Variants in TINAG observed in about 807,000 individuals in gnomAD.
The protein encoded by TINAG is tubulointerstitial nephritis antigen.
A neutral mutation model predicts 72.7 loss-of-function variants in TINAG; 83 were observed. That is an observed-to-expected ratio of 1.14 (90% CI 0.96 to 1.37). The LOEUF (loss-of-function observed/expected upper bound fraction) is 1.37. Ranked by LOEUF, TINAG falls within the 40% of genes most tolerant of loss-of-function variation. TINAG has a pLI of 0.00. For missense variants in TINAG, 685 were observed against 576.6 expected (o/e 1.19, Z -1.93); for synonymous variants, 234 against 189.9 (o/e 1.23, Z -1.91).
chr6:54,314,452 G>T (rs932112593), intron 1 of TINAG, among the ~76,000 whole-genome samples: 1 of 152,040 alleles, frequency 6.6e-6, no homozygotes, highest in Non-Finnish European at 1.5e-5. Context: ...TCTTTGGCCA[G>T]AATATAGTCA....
intron 1 of TINAG, among the ~76,000 whole-genome samples, chr6:54,310,980 C>T (rs545911005): frequency 3.4e-4 from 50 of 148,430 alleles, no homozygotes; most frequent in Middle Eastern, 7.0e-3. Context: ...TCTCCCTCTC[C>T]TTCTCCCTCT....
At chr6:54,310,195 C>T (rs1258691344) in intron 1 of TINAG, among the ~76,000 whole-genome samples, 1 of 151,514 alleles carries the variant, frequency 6.6e-6, no homozygotes. Context: ...CAATCCTCCT[C>T]CCTCAGCCTC....
At chr6:54,340,605 T>TA (rs1784973850) in intron 4 of TINAG, among the ~76,000 whole-genome samples, 1 of 152,110 alleles carries the variant, frequency 6.6e-6, no homozygotes, top group African/African-American at 2.4e-5. Flanking sequence ...ATGAGGCAGA[T>TA]AAAAAATATG....
At chr6:54,370,718 C>T (rs929799427) in intron 9 of TINAG, among the ~76,000 whole-genome samples, 1 of 151,944 alleles carries the variant, frequency 6.6e-6, no homozygotes, top group East Asian at 1.9e-4. Context: ...AACTCACTGT[C>T]GGAAGAGTAG....
chr6:54,325,433 A>T (rs545287666), intron 3 of TINAG, among the ~76,000 whole-genome samples: 3 of 152,210 alleles, frequency 2.0e-5, no homozygotes. Context: ...TAGGTTAGTC[A>T]TACCTTTCAC....
chr6:54,360,060 A>C lies in TINAG; in HGVS notation c.1250+5424A>C, dbSNP rs540055353. Among the ~76,000 whole-genome samples the C allele has an allele frequency of 3.4e-5, 5 of 149,186 alleles. No homozygotes were observed. In the South Asian group the frequency reaches 1.1e-3, roughly 32 times the overall value. ...GTGCCCAGAACTGGGAAATACAAGG[A>C]GGATTGATTTATAGTCCTCCTCTTA... On this transcript the variant is annotated intron_variant, in intron 9 of 10. Coordinates refer to ENST00000259782, the MANE Select transcript of TINAG (RefSeq NM_014464.4).
At chr6:54,367,672 T>C (rs1385348251) in intron 9 of TINAG, among the ~76,000 whole-genome samples, 1 of 151,800 alleles carries the variant, frequency 6.6e-6, no homozygotes, top group Non-Finnish European at 1.5e-5. Flanking sequence ...TGTTGTTCTT[T>C]GTTTATTTTT....
intron 1 of TINAG, among the ~76,000 whole-genome samples, chr6:54,311,683 T>A (rs1456201870): frequency 6.6e-6 from 1 of 152,218 alleles, no homozygotes; most frequent in Non-Finnish European, 1.5e-5. Flanking sequence ...GTGACTTACT[T>A]TTTCCTATCC....
At chr6:54,329,204 A>T (rs931284975) in intron 4 of TINAG, among the ~76,000 whole-genome samples, 3 of 152,136 alleles carry the variant, frequency 2.0e-5, no homozygotes, top group African/African-American at 7.2e-5. Context: ...GAAGGAAAAA[A>T]TGTTAAGAAG....
At chr6:54,368,371 TATTA>T (rs1176803758) in intron 9 of TINAG, among the ~76,000 whole-genome samples, 1 of 148,156 alleles carries the variant, frequency 6.7e-6, no homozygotes, top group Non-Finnish European at 1.5e-5. Context: ...TAAATCATTA[TATTA>T]ATTATTATTA....
At chr6:54,380,773 A>C (rs1169216442) in intron 10 of TINAG, among the ~76,000 whole-genome samples, 1 of 151,832 alleles carries the variant, frequency 6.6e-6, no homozygotes, top group Non-Finnish European at 1.5e-5. Context: ...AGTATTTCAA[A>C]TTGTAAAAGA....
intron 1 of TINAG, among the ~76,000 whole-genome samples, chr6:54,312,138 C>T (rs1784273562): frequency 6.6e-6 from 1 of 152,046 alleles, no homozygotes; most frequent in Non-Finnish European, 1.5e-5. Context: ...CTCACTGCAG[C>T]CTCGACCTTC....
At chr6:54,344,279 A>G (rs769577467) in intron 5 of TINAG, among the ~76,000 whole-genome samples, 2 of 152,184 alleles carry the variant, frequency 1.3e-5, no homozygotes, top group African/African-American at 2.4e-5. Flanking sequence ...GCTCCATAGT[A>G]TCAATCAGAC....
At chr6:54,313,853 A>G (rs3798278) in intron 1 of TINAG, among the ~76,000 whole-genome samples, 105,592 of 152,042 alleles carry the variant, frequency 0.69, 37,140 homozygotes, top group Middle Eastern at 0.81. Flanking sequence ...TCAAAGTATT[A>G]TTGTTTATAG....
chr6:54,352,474 G>T (rs889074021), intron 8 of TINAG, among the ~76,000 whole-genome samples: 1 of 151,768 alleles, frequency 6.6e-6, no homozygotes, highest in Non-Finnish European at 1.5e-5. Context: ...CAAATGAAGA[G>T]AAATTTTCTG....
chr6:54,312,974 G>A (rs1320588287), intron 1 of TINAG, among the ~76,000 whole-genome samples: 4 of 152,078 alleles, frequency 2.6e-5, no homozygotes, highest in Admixed American at 1.3e-4. Flanking sequence ...CCTCATTTTT[G>A]CTCCATATAC....
chr6:54,328,403 C>G (rs1279509994), intron 4 of TINAG, among the ~76,000 whole-genome samples: 1 of 152,080 alleles, frequency 6.6e-6, no homozygotes, highest in African/African-American at 2.4e-5. Context: ...GGAAAACTAA[C>G]AAACAGAAAG....
intron 9 of TINAG, among the ~76,000 whole-genome samples, chr6:54,378,133 T>C (rs557284780): frequency 6.8e-4 from 104 of 152,322 alleles, no homozygotes; most frequent in Non-Finnish European, 1.2e-3. Context: ...GGCTGTAACA[T>C]AGGTGAACTA....
At chr6:54,310,289 T>C (rs1784209761) in intron 1 of TINAG, among the ~76,000 whole-genome samples, 1 of 152,062 alleles carries the variant, frequency 6.6e-6, no homozygotes, top group Non-Finnish European at 1.5e-5. Context: ...CTTGCTATGT[T>C]GCCTAGGCTC....
Sources: allele counts gnomAD v4.1 joint callset (sites outside exome capture counted in the v4.1 genomes callset), GRCh38; gene constraint gnomAD v4.1.1; transcripts MANE v1.5; gene names NCBI Gene and HGNC (gene_info 2026-07-23, HGNC 2026-07-21).